USF3: variants seen among roughly 807,000 people sequenced by gnomAD.
The protein encoded by USF3 is basic helix-loop-helix domain-containing protein USF3.
A neutral mutation model predicts 157.5 loss-of-function variants in USF3; 29 were observed. That is an observed-to-expected ratio of 0.18 (90% CI 0.14 to 0.25). The LOEUF (loss-of-function observed/expected upper bound fraction) is 0.25. USF3 is among the 10% of genes least tolerant of loss of function. The pLI, the probability that USF3 is intolerant of heterozygous loss-of-function variation, is 1.00. For synonymous variants in USF3, 893 were observed against 941.4 expected (o/e 0.95, Z 0.94); for missense variants, 2,381 against 2,667.6 (o/e 0.89, Z 2.37).
At chr3:113,674,959 T>C in intron 2 of USF3, 63 bp from the exon 3 acceptor site, 1 of 986,738 alleles carries the variant, frequency 1.0e-6, no homozygotes, top group South Asian at 1.3e-5. Context: ...CAAAAATTGG[T>C]CAATAGCAAT....
At chr3:113,665,285 A>G (rs905160779) in intron 5 of USF3, among the ~76,000 whole-genome samples, 2 of 152,212 alleles carry the variant, frequency 1.3e-5, no homozygotes, top group African/African-American at 2.4e-5. Context: ...TGGGAAGAGT[A>G]GTAGAAGGCC....
chr3:113,696,158 G>A (rs906636826), intron 1 of USF3, among the ~76,000 whole-genome samples: 5 of 152,240 alleles, frequency 3.3e-5, no homozygotes, highest in African/African-American at 1.2e-4. Flanking sequence ...GGCGGGAGAT[G>A]AGGGGTGCGC....
chr3:113,664,320 A>C lies in USF3; in HGVS notation c.249T>G (p.Asn83Lys), dbSNP rs1947530720. ...GAACTTTTAAATCTTTACCTTGTTC[A>C]TTGTTTCCTCCATTAAGCAGGAGTT... ...NDELLLNGGN[N>K]EQAEEIKKLR... The change falls in exon 6 of 7, where the codon AAT becomes AAG. Residue 83 changes from asparagine to lysine, a missense_variant. By Grantham distance (94) the Asn-to-Lys change is moderately conservative (BLOSUM62 0). Transcript: ENST00000316407. 2 of 1,578,660 alleles carry C rather than the reference A, an allele frequency of 1.3e-6. No individual in the cohort carries two copies. Among genetic ancestry groups the C allele is most frequent in the Non-Finnish European group, 8.7e-7 (1 of 1,154,030 alleles).
At chr3:113,671,271 C>T (rs1341394005) in intron 4 of USF3, among the ~76,000 whole-genome samples, 1 of 152,164 alleles carries the variant, frequency 6.6e-6, no homozygotes, top group East Asian at 1.9e-4. Context: ...GATTAAAGAA[C>T]CTTAAAACAC....
At chr3:113,672,774 AGG>A (rs1707188821) in intron 4 of USF3, among the ~76,000 whole-genome samples, 1 of 152,262 alleles carries the variant, frequency 6.6e-6, no homozygotes, top group South Asian at 2.1e-4. Context: ...AGACAAAGGA[AGG>A]TATCGTTTAT....
rs1947316316 is a variant in USF3, at chr3:113,654,329, T to C, written c.*615A>G. On this transcript the variant is annotated 3_prime_UTR_variant, in exon 7 of 7. Transcript: ENST00000316407. ...GCTCCCTAATTTGAAGAACAAGACA[T>C]AAAATTCAGATAATTTATGCATTGT... 1 of 152,638 alleles carries C rather than the reference T, an allele frequency of 6.6e-6. No homozygotes were observed. The highest frequency in any genetic ancestry group is 2.4e-5 in the African/African-American group (1 of 41,450). The allele number at this position is 152,638 out of a possible 1,614,324, so 9.5% of individuals were successfully genotyped here. A position where few individuals can be genotyped will look rare whatever the true frequency, so the allele number is the denominator to read the frequency against.
intron 1 of USF3, among the ~76,000 whole-genome samples, chr3:113,690,193 A>AATC (rs67065580): frequency 1.6e-5 from 1 of 64,092 alleles, no homozygotes; most frequent in Non-Finnish European, 3.5e-5. Context: ...TAGACCCAAA[A>AATC]ATCTTCATAT....
At chr3:113,663,234 C>T (rs764009500) in intron 6 of USF3, among the ~76,000 whole-genome samples, 2 of 152,140 alleles carry the variant, frequency 1.3e-5, no homozygotes, top group African/African-American at 2.4e-5. Flanking sequence ...CTGAGTCCCA[C>T]GCAACTTCTA....
intron 1 of USF3, among the ~76,000 whole-genome samples, chr3:113,687,834 A>G (rs1707593175): frequency 6.6e-6 from 1 of 152,222 alleles, no homozygotes; most frequent in South Asian, 2.1e-4. Flanking sequence ...CTTTTATCCC[A>G]AGGGCTTAGC....
chr3:113,679,009 GTCTC>G (rs373834496), intron 1 of USF3, among the ~76,000 whole-genome samples: 2,190 of 144,090 alleles, frequency 0.015, 39 homozygotes, highest in East Asian at 0.074. Context: ...CCAGGCTGGT[GTCTC>G]TCTCTCTCTC....
At position 113,660,200 on chromosome 3, in the gene USF3, T is replaced by C. The variant is rs958828978; in HGVS notation, c.1482A>G (p.Val494=). ...FPADGQPVEQ[V]VVTLPSCPSL... ...ATGGACAAGAAGGCAATGTTACAAC[T>C]ACTTGCTCAACTGGCTGCCCATCTG... Residue 494 remains valine, a synonymous_variant, in exon 7 of 7, where the codon GTA becomes GTG. Transcript: ENST00000316407. The C allele has an allele frequency of 1.9e-6, 3 of 1,614,076 alleles. No homozygotes were observed. The highest frequency in any genetic ancestry group is 3.3e-5 in the Admixed American group (2 of 60,004).
In USF3 at chr3:113,688,963, G is replaced by A. The variant is rs567200967; in HGVS notation, c.-135+7407C>T. Among the ~76,000 whole-genome samples the A allele has an allele frequency of 6.6e-5, 10 of 152,146 alleles. 1 individual carries two copies. In the South Asian group the frequency reaches 1.9e-3, roughly 28 times the overall value. On this transcript the variant is annotated intron_variant, in intron 1 of 6. Transcript: ENST00000316407. The stretch of plus-strand genomic sequence containing the variant: ...GGAGAATGGTATGAACCTGGGAGGC[G>A]GAGCTTGCAGTGAGCCGAGATCATG...
At chr3:113,692,124 T>C (rs1707700339) in intron 1 of USF3, among the ~76,000 whole-genome samples, 1 of 152,212 alleles carries the variant, frequency 6.6e-6, no homozygotes, top group South Asian at 2.1e-4. Context: ...AATCTAATGC[T>C]GCCGCTGATC....
chr3:113,691,424 T>C (rs1017836609), intron 1 of USF3, among the ~76,000 whole-genome samples: 3 of 152,192 alleles, frequency 2.0e-5, no homozygotes, highest in Non-Finnish European at 4.4e-5. Flanking sequence ...AACAAAAGAC[T>C]TCCACACTGC....
At position 113,656,897 on chromosome 3, in the gene USF3, A is replaced by G. The variant is rs758246159; in HGVS notation, c.4785T>C (p.His1595=). The G allele has an allele frequency of 1.2e-6, 2 of 1,614,070 alleles. No individual in the cohort carries two copies. Among genetic ancestry groups the G allele is most frequent in the Non-Finnish European group, 1.7e-6 (2 of 1,180,002 alleles). The change falls in exon 7 of 7, where the codon CAT becomes CAC. Residue 1595 remains histidine (H), a synonymous_variant. Transcript: ENST00000316407. ...GTTGGTGCATAATATCTTGATTGAG[A>G]TGGTTCTGGGGATGGTTATGATGGT... The part of the protein sequence containing the change: ...SRNHHNHPQN[H]LNQDIMHQQQ...
chr3:113,661,256 C>T lies in USF3; in HGVS notation c.426G>A (p.Gln142=), dbSNP rs201239882. The change falls in exon 7 of 7, where the codon CAG becomes CAA. Residue 142 remains glutamine (Q), a synonymous_variant. Transcript: ENST00000316407. The part of the protein sequence containing the change: ...SKVSVVIPSD[Q]VQKKIIVYSN... The stretch of plus-strand genomic sequence containing the variant: ...AATAAACAATAATTTTTTTTTGAAC[C>T]TGGTCACTAGGAATAACAACAGAGA... 1.2e-6 allele frequency: 2 copies of T among 1,613,634 alleles called. No individual in the cohort carries two copies. The highest frequency in any genetic ancestry group is 3.3e-5 in the Admixed American group (2 of 59,936).
intron 1 of USF3, among the ~76,000 whole-genome samples, chr3:113,684,855 T>C (rs1183443356): frequency 6.6e-6 from 1 of 152,178 alleles, no homozygotes; most frequent in African/African-American, 2.4e-5. Flanking sequence ...CACTGGTGTC[T>C]TATTTAGTTC....
rs765551515 is a variant in USF3 at position 113,661,167 on chromosome 3, A to G, written c.515T>C (p.Val172Ala). The G allele has an allele frequency of 3.1e-6, 5 of 1,614,204 alleles. No individual in the cohort carries two copies. Among genetic ancestry groups the G allele is most frequent in the Non-Finnish European group, 4.2e-6 (5 of 1,180,034 alleles). Reference protein sequence around the residue: ...GTAVQGITFNVSHNLQKQTAN... With the variant: ...GTAVQGITFNASHNLQKQTAN... ...GGTCTGCTTTTGTAAATTATGACTA[A>G]CATTAAAAGTTATCCCCTGAACAGC... Residue 172 changes from valine (V) to alanine (A), a missense_variant, in exon 7 of 7, where the codon GTT (valine) becomes GCT (alanine). Val to Ala is a moderately conservative substitution (Grantham distance 64). Around this residue, in one of 6 missense-constraint regions of USF3, gnomAD observed 1,435 missense variants for 1,550.9 expected, o/e 0.93. Transcript: ENST00000316407.
At chr3:113,681,541 C>T (rs978690278) in intron 1 of USF3, among the ~76,000 whole-genome samples, 1 of 149,862 alleles carries the variant, frequency 6.7e-6, no homozygotes, top group African/African-American at 2.5e-5. Context: ...TATTTCACCA[C>T]CACGACTGGC....
Sources: gnomAD v4.1 joint callset for allele counts (sites outside exome capture counted in the v4.1 genomes callset) on GRCh38, gnomAD v4.1.1 for gene constraint, gnomAD v4.1.1 regional missense constraint, MANE v1.5 for transcripts, NCBI Gene and HGNC (gene_info 2026-07-23, HGNC 2026-07-21) for gene names.